Variants in AVEN observed in about 807,000 individuals in gnomAD.
AVEN encodes the protein cell death regulator Aven.
Under a neutral mutation model 38.1 loss-of-function variants are expected in AVEN, and 41 were observed. That is an observed-to-expected ratio of 1.08 (90% CI 0.84 to 1.40). AVEN has a LOEUF of 1.40. Among genes scored for constraint, AVEN ranks in the 40% most tolerant of loss-of-function variants. AVEN has a pLI of 0.00. For synonymous variants in AVEN, 206 were observed against 171.8 expected (o/e 1.20, Z -1.56); for missense variants, 605 against 438.8 (o/e 1.38, Z -3.38).
chr15:33,865,852 T>C (rs550992301), downstream of AVEN: 1 of 152,922 alleles, frequency 6.5e-6, no homozygotes, highest in East Asian at 1.9e-4. Context: ...TCATTAGTTG[T>C]GATCTTCCGT....
At chr15:34,007,465 G>A (rs1360640682) in intron 1 of AVEN, among the ~76,000 whole-genome samples, 1 of 152,110 alleles carries the variant, frequency 6.6e-6, no homozygotes, top group African/African-American at 2.4e-5. Context: ...TTTTCCTCTA[G>A]TGTCCATTAA....
chr15:33,931,489 G>A (rs989866210), intron 2 of AVEN, among the ~76,000 whole-genome samples: 5 of 150,578 alleles, frequency 3.3e-5, no homozygotes, highest in African/African-American at 7.4e-5. Context: ...TCCTGCCTCA[G>A]CCTCCAGAGT....
At chr15:33,951,835 G>A (rs1894762164) in intron 2 of AVEN, among the ~76,000 whole-genome samples, 1 of 152,160 alleles carries the variant, frequency 6.6e-6, no homozygotes, top group African/African-American at 2.4e-5. Flanking sequence ...TAGCACAGAG[G>A]AAAGTTTGAT....
At chr15:33,940,071 G>T (rs1029129244) in intron 2 of AVEN, among the ~76,000 whole-genome samples, 1 of 152,160 alleles carries the variant, frequency 6.6e-6, no homozygotes, top group Non-Finnish European at 1.5e-5. Flanking sequence ...CTCAGCAGGA[G>T]GAATCTGCCG....
chr15:33,874,438 A>C (rs574083672), intron 3 of AVEN, among the ~76,000 whole-genome samples: 1 of 151,904 alleles, frequency 6.6e-6, no homozygotes, highest in Non-Finnish European at 1.5e-5. Flanking sequence ...TACCATTTTC[A>C]TGTTGTTTCC....
intron 2 of AVEN, among the ~76,000 whole-genome samples, chr15:33,933,522 CACAGAGAGAGAGAGAG>C (rs1244606067): frequency 0.015 from 793 of 52,946 alleles, 3 homozygotes; most frequent in Admixed American, 0.022. Context: ...CACACACACA[CACAGAGAGAGAGAGAG>C]AGAGAGAGAG....
At chr15:33,898,004 A>G (rs990327470) in intron 2 of AVEN, among the ~76,000 whole-genome samples, 4 of 152,190 alleles carry the variant, frequency 2.6e-5, no homozygotes, top group Non-Finnish European at 5.9e-5. Flanking sequence ...CCTGGCTAAC[A>G]CGGTGAAACC....
chr15:34,004,042 C>CT (rs1230294263), intron 1 of AVEN, among the ~76,000 whole-genome samples: 3 of 152,194 alleles, frequency 2.0e-5, no homozygotes, highest in Admixed American at 2.0e-4. Flanking sequence ...ACTCTCCAGG[C>CT]TCAATTTCTA....
chr15:34,070,586 AC>A (rs1900607172), intron 2 of AVEN, among the ~76,000 whole-genome samples: 1 of 152,100 alleles, frequency 6.6e-6, no homozygotes, highest in Middle Eastern at 3.2e-3. Context: ...ATAAATGGGT[AC>A]CTTTATGAAG....
rs1254525908 is a variant in AVEN at position 33,961,798 on chromosome 15, G to A, written c.445+41234C>T. ...ACTGCACTCCAGCCTGGGCGACAGA[G>A]TGAGACTCTGTCTCAAAAAAAAAAA... On this transcript the variant is annotated intron_variant, in intron 2 of 5. Transcript: ENST00000306730. 6.0e-5 allele frequency among the ~76,000 whole-genome samples: 6 copies of A among 100,644 alleles called. No homozygotes were observed. In the South Asian group the frequency reaches 2.0e-3, roughly 33 times the overall value. 66.0% of individuals were successfully genotyped at this position (100,644 alleles called of 152,430 possible).
chr15:33,950,126 A>G (rs1894679126), intron 2 of AVEN, among the ~76,000 whole-genome samples: 1 of 152,238 alleles, frequency 6.6e-6, no homozygotes, highest in South Asian at 2.1e-4. Flanking sequence ...CAAGACAAAT[A>G]TTGTATGATC....
intron 2 of AVEN, among the ~76,000 whole-genome samples, chr15:33,902,038 C>A (rs1395125692): frequency 6.6e-6 from 1 of 152,038 alleles, no homozygotes; most frequent in Non-Finnish European, 1.5e-5. Flanking sequence ...TGATATAGTT[C>A]ATGTATTTAT....
At chr15:33,854,938 G>C (rs372124683), downstream of AVEN, 2 of 1,593,576 alleles carry the variant, frequency 1.3e-6, no homozygotes, top group Non-Finnish European at 1.7e-6. Flanking sequence ...ATGCAGAACA[G>C]AATGGACCTG....
intron 2 of AVEN, among the ~76,000 whole-genome samples, chr15:33,904,537 G>A (rs998710618): frequency 6.6e-5 from 10 of 151,824 alleles, no homozygotes; most frequent in Non-Finnish European, 1.0e-4. Context: ...TCAGCCTCCC[G>A]AGTAGCTGGG....
At chr15:34,013,563 G>A (rs1041886514) in intron 1 of AVEN, among the ~76,000 whole-genome samples, 3 of 152,156 alleles carry the variant, frequency 2.0e-5, no homozygotes, top group African/African-American at 7.2e-5. Context: ...AGTAGTTACT[G>A]ACTTCCAGCA....
At chr15:34,066,724 A>T (rs1335467074) in exon 3 of AVEN, 1 of 152,138 alleles carries the variant, frequency 6.6e-6, no homozygotes, top group African/African-American at 2.4e-5. Context: ...TTGAAGCAGG[A>T]GGATCGCATG....
intron 2 of AVEN, among the ~76,000 whole-genome samples, chr15:33,930,978 A>C (rs1246682411): frequency 6.7e-6 from 1 of 150,290 alleles, no homozygotes; most frequent in Non-Finnish European, 1.5e-5. Context: ...AAAAAAACTT[A>C]AGGATTACTA....
intron 1 of AVEN, among the ~76,000 whole-genome samples, chr15:34,025,913 G>A (rs1898448382): frequency 6.6e-6 from 1 of 152,182 alleles, no homozygotes; most frequent in African/African-American, 2.4e-5. Flanking sequence ...TCACCACCCA[G>A]AGATAATCCT....
chr15:34,039,468 C>T (rs929750334), upstream of AVEN, among the ~76,000 whole-genome samples: 10 of 152,152 alleles, frequency 6.6e-5, no homozygotes, highest in African/African-American at 2.2e-4. Flanking sequence ...CAAATACATA[C>T]TAAAATGTTA....
Sources: allele counts gnomAD v4.1 joint callset (sites outside exome capture counted in the v4.1 genomes callset), GRCh38; gene constraint gnomAD v4.1.1; transcripts MANE v1.5; gene names NCBI Gene and HGNC (gene_info 2026-07-23, HGNC 2026-07-21).